Variants in NRXN3 observed in about 807,000 individuals in gnomAD.
NRXN3 encodes the protein neurexin III.
A neutral mutation model predicts 137.6 loss-of-function variants in NRXN3; 32 were observed. That is an observed-to-expected ratio of 0.23 (90% confidence interval 0.18 to 0.31). The LOEUF is 0.31. NRXN3 is among the 10% of genes least tolerant of loss of function. The pLI, the probability that NRXN3 is intolerant of heterozygous loss-of-function variation, is 1.00. For synonymous variants in NRXN3, 798 were observed against 784.5 expected (o/e 1.02, Z -0.29); for missense variants, 1,574 against 2,062.5 (o/e 0.76, Z 4.59).
At chr14:79,498,164 T>C (rs1193320315) in intron 16 of NRXN3, among the ~76,000 whole-genome samples, 1 of 152,184 alleles carries the variant, frequency 6.6e-6, no homozygotes, top group Non-Finnish European at 1.5e-5. Context: ...ATAATGAGCA[T>C]GCGTTCTATG....
rs374084977 is a variant in NRXN3 at position 78,508,891 on chromosome 14, G to A, written c.758-136229G>A. 7.9e-5 allele frequency among the ~76,000 whole-genome samples: 12 copies of A among 152,258 alleles called. No individual in the cohort carries two copies. In the East Asian group the frequency reaches 1.2e-3, roughly 15 times the overall value. On this transcript the variant is annotated intron_variant, in intron 4 of 20. Transcript: ENST00000335750. ...AGATTTTAAGCAACTAATCAACTACGAGGTTGTCAGACTGATTCATAGAGC... is the reference window on the plus strand; with the variant it reads ...AGATTTTAAGCAACTAATCAACTACAAGGTTGTCAGACTGATTCATAGAGC...
chr14:78,974,623 A>G (rs906514333), intron 14 of NRXN3, among the ~76,000 whole-genome samples: 4 of 152,216 alleles, frequency 2.6e-5, no homozygotes, highest in African/African-American at 4.8e-5. Flanking sequence ...CTTTATTGGC[A>G]CGAACTTTCC....
chr14:79,353,756 A>G (rs568541339), intron 15 of NRXN3, among the ~76,000 whole-genome samples: 1 of 152,252 alleles, frequency 6.6e-6, no homozygotes, highest in Non-Finnish European at 1.5e-5. Context: ...CTTGGGTATC[A>G]TGAGCAACTT....
chr14:79,537,963 A>G (rs1232008037), intron 16 of NRXN3, among the ~76,000 whole-genome samples: 20 of 152,042 alleles, frequency 1.3e-4, no homozygotes, highest in Non-Finnish European at 1.8e-4. Context: ...GTTGTTTCCT[A>G]ACTTTTTAAT....
chr14:79,251,079 A>G lies in NRXN3; in HGVS notation c.3263-216142A>G, dbSNP rs141217857. 4.6e-3 allele frequency among the ~76,000 whole-genome samples: 708 copies of G among 152,286 alleles called. 6 individuals carry two copies. The highest frequency in any genetic ancestry group is 0.033 in the South Asian group (158 of 4,820). On this transcript the variant is annotated intron_variant, in intron 15 of 20. Coordinates refer to ENST00000335750, the MANE Select transcript of NRXN3 (RefSeq NM_001330195.2). The stretch of plus-strand genomic sequence containing the variant: ...ACAGCTGACATGATAGGACAGGGCT[A>G]GTTTGTAGAGGATTTTGAATACTAT...
chr14:79,707,875 G>A (rs1036046773), intron 19 of NRXN3, among the ~76,000 whole-genome samples: 2 of 152,122 alleles, frequency 1.3e-5, no homozygotes, highest in African/African-American at 2.4e-5. Context: ...AAATTGAGAA[G>A]GAGAGAAAGA....
At chr14:79,067,957 A>G (rs1340608425) in intron 15 of NRXN3, among the ~76,000 whole-genome samples, 1 of 152,040 alleles carries the variant, frequency 6.6e-6, no homozygotes. Context: ...TTATGAGAAC[A>G]GACATGAGGC....
intron 15 of NRXN3, among the ~76,000 whole-genome samples, chr14:79,169,996 G>A (rs538952460): frequency 4.6e-5 from 7 of 152,142 alleles, no homozygotes; most frequent in Admixed American, 2.0e-4. Context: ...ATAAGCTGGC[G>A]TGTCTTATCT....
intron 16 of NRXN3, among the ~76,000 whole-genome samples, chr14:79,619,232 T>C (rs1488045975): frequency 6.6e-6 from 1 of 152,098 alleles, no homozygotes; most frequent in Admixed American, 6.6e-5. Context: ...GCAATTTTTG[T>C]TTTTGTGGTA....
intron 15 of NRXN3, among the ~76,000 whole-genome samples, chr14:79,024,568 A>G (rs2099595071): frequency 6.6e-6 from 1 of 152,150 alleles, no homozygotes; most frequent in Admixed American, 6.5e-5. Flanking sequence ...TTTTGTGGGT[A>G]GCTGAGAATT....
chr14:79,046,409 CT>C (rs2099633188), intron 15 of NRXN3, among the ~76,000 whole-genome samples: 2 of 152,178 alleles, frequency 1.3e-5, no homozygotes. Context: ...AGTAAGTATG[CT>C]TGTGGCTTAA....
At chr14:78,346,295 A>G (rs1219786778) in intron 4 of NRXN3, among the ~76,000 whole-genome samples, 1 of 152,070 alleles carries the variant, frequency 6.6e-6, no homozygotes, top group Non-Finnish European at 1.5e-5. Flanking sequence ...CCTAAGTCTC[A>G]TGTCCTTTGT....
intron 15 of NRXN3, among the ~76,000 whole-genome samples, chr14:79,451,499 T>C (rs2096172155): frequency 6.6e-6 from 1 of 152,208 alleles, no homozygotes; most frequent in African/African-American, 2.4e-5. Context: ...ATTAAATAGA[T>C]GGATCATGGA....
At chr14:79,412,781 TCAAAAAAA>T (rs2095437146) in intron 15 of NRXN3, among the ~76,000 whole-genome samples, 1 of 21,286 alleles carries the variant, frequency 4.7e-5, no homozygotes, top group South Asian at 2.6e-3. Context: ...AGACTCTGTC[TCAAAAAAA>T]AAAAAAAAAA....
chr14:79,035,325 T>G (rs1568062293), intron 15 of NRXN3, among the ~76,000 whole-genome samples: 2 of 152,114 alleles, frequency 1.3e-5, no homozygotes, highest in East Asian at 3.9e-4. Flanking sequence ...TAGGCCTCAC[T>G]CTATAGCCTT....
chr14:78,357,906 A>G (rs944600107), intron 4 of NRXN3, among the ~76,000 whole-genome samples: 5 of 152,198 alleles, frequency 3.3e-5, no homozygotes, highest in African/African-American at 4.8e-5. Flanking sequence ...AGTGTGTATG[A>G]TATGACAGCA....
chr14:79,221,096 T>C (rs924586562), intron 15 of NRXN3, among the ~76,000 whole-genome samples: 20 of 152,208 alleles, frequency 1.3e-4, no homozygotes, highest in Non-Finnish European at 2.4e-4. Flanking sequence ...TCCTTTTTTA[T>C]GGCTGCATTG....
intron 16 of NRXN3, among the ~76,000 whole-genome samples, chr14:79,536,567 A>T (rs1277516888): frequency 6.6e-6 from 1 of 151,940 alleles, no homozygotes; most frequent in African/African-American, 2.4e-5. Context: ...TCACCTAAGT[A>T]TTAAGCCCTG....
chr14:79,202,991 C>A (rs1453284252), intron 15 of NRXN3, among the ~76,000 whole-genome samples: 1 of 152,054 alleles, frequency 6.6e-6, no homozygotes, highest in Non-Finnish European at 1.5e-5. Context: ...TGTAGAACTT[C>A]CCCCTGTTCA....
Sources: gnomAD v4.1 joint callset for allele counts (sites outside exome capture counted in the v4.1 genomes callset) on GRCh38, gnomAD v4.1.1 for gene constraint, MANE v1.5 for transcripts, NCBI Gene and HGNC (gene_info 2026-07-23, HGNC 2026-07-21) for gene names.